The following PRKACB variants were observed in gnomAD, a reference collection of about 807,000 sequenced individuals.
PRKACB encodes cAMP-dependent protein kinase catalytic subunit beta.
A neutral mutation model predicts 51.4 loss-of-function variants in PRKACB; 16 were observed. The ratio of observed to expected loss-of-function variants is 0.31; its 90% CI spans 0.21 to 0.47. The LOEUF (loss-of-function observed/expected upper bound fraction) is 0.47, where lower values mean the gene tolerates loss of function less well. Among genes scored for constraint, PRKACB ranks in the 20% least tolerant of loss-of-function variants. The pLI is 1.00. For missense variants in PRKACB, 309 were observed against 464.5 expected, an observed-to-expected ratio of 0.67 and a Z score of 3.08; for synonymous variants, 147 against 154.4, an observed-to-expected ratio of 0.95 and a Z score of 0.35.
intron 1 of PRKACB, among the ~76,000 whole-genome samples, chr1:84,163,676 T>C (rs961534388): frequency 2.0e-5 from 3 of 152,020 alleles, no homozygotes; most frequent in African/African-American, 7.2e-5. Context: ...TAAATGTTTC[T>C]TAATTTGTTG....
chr1:84,106,523 T>TA (rs1393919045), intron 1 of PRKACB, among the ~76,000 whole-genome samples: 1 of 152,030 alleles, frequency 6.6e-6, no homozygotes, highest in Non-Finnish European at 1.5e-5. Flanking sequence ...CAAAAAAGGT[T>TA]AAAATAGCTA....
chr1:84,115,699 A>G (rs1650576869), intron 1 of PRKACB, among the ~76,000 whole-genome samples: 1 of 151,886 alleles, frequency 6.6e-6, no homozygotes. Context: ...CCTGACCAAC[A>G]TGGAGAAACC....
intron 1 of PRKACB, among the ~76,000 whole-genome samples, chr1:84,165,272 G>C (rs762444647): frequency 2.0e-5 from 3 of 151,566 alleles, no homozygotes; most frequent in Non-Finnish European, 2.9e-5. Flanking sequence ...GTATTTGTTG[G>C]GCACTGTTAT....
At chr1:84,133,673 C>A (rs769347090) in intron 1 of PRKACB, among the ~76,000 whole-genome samples, 2 of 152,128 alleles carry the variant, frequency 1.3e-5, no homozygotes, top group African/African-American at 2.4e-5. Context: ...CTACCCCTTG[C>A]GGGAGGGGGA....
chr1:84,116,146 A>G (rs943847974), intron 1 of PRKACB, among the ~76,000 whole-genome samples: 2 of 152,068 alleles, frequency 1.3e-5, no homozygotes, highest in Non-Finnish European at 2.9e-5. Flanking sequence ...TTTGTCAAAG[A>G]TCAATTGGCT....
intron 1 of PRKACB, among the ~76,000 whole-genome samples, chr1:84,078,828 C>T (rs556317261): frequency 5.0e-4 from 76 of 152,298 alleles, no homozygotes; most frequent in Non-Finnish European, 8.7e-4. Context: ...GGCTGCTAGT[C>T]TGGCTCTACG....
intron 1 of PRKACB, among the ~76,000 whole-genome samples, chr1:84,080,291 G>A (rs1022954601): frequency 5.3e-5 from 8 of 152,156 alleles, no homozygotes; most frequent in Non-Finnish European, 8.8e-5. Flanking sequence ...TCATAGCTGT[G>A]AAATAACCTT....
At chr1:84,144,149 A>C, upstream of PRKACB, 1 of 957,774 alleles carries the variant, frequency 1.0e-6, no homozygotes. Context: ...GCAAGTTTTT[A>C]AAATCCTCAA....
chr1:84,175,949 A>T, intron 1 of PRKACB: 2 of 614,480 alleles, frequency 3.3e-6, no homozygotes, highest in Non-Finnish European at 5.0e-6. Context: ...ACTTTGTTCA[A>T]TTATTTACCA....
intron 8 of PRKACB, among the ~76,000 whole-genome samples, chr1:84,204,016 T>A (rs891503877): frequency 1.3e-5 from 2 of 151,990 alleles, no homozygotes; most frequent in African/African-American, 4.8e-5. Context: ...TGTGGTAATT[T>A]ATTTTTTTTG....
chr1:84,143,198 C>A (rs553107215), upstream of PRKACB, among the ~76,000 whole-genome samples: 17 of 152,266 alleles, frequency 1.1e-4, no homozygotes, highest in African/African-American at 4.1e-4. Flanking sequence ...GTAATCCCAG[C>A]ACTTTGGGAG....
chr1:84,125,544 G>A (rs1651509247), intron 1 of PRKACB, among the ~76,000 whole-genome samples: 1 of 152,098 alleles, frequency 6.6e-6, no homozygotes, highest in Non-Finnish European at 1.5e-5. Context: ...ATTAATAGGG[G>A]GAGCATTCTG....
chr1:84,205,326 T>G, intron 8 of PRKACB: 2 of 938,042 alleles, frequency 2.1e-6, no homozygotes, highest in Non-Finnish European at 2.5e-6. Context: ...TCTATTCACA[T>G]TGCAAAAATA....
exon 1 of PRKACB, chr1:84,078,369 G>A (rs959648521): frequency 6.2e-7 from 1 of 1,611,978 alleles, no homozygotes; most frequent in South Asian, 1.1e-5. Context: ...GAGGTGGAGA[G>A]CGGTGAGTTG....
intron 1 of PRKACB, chr1:84,086,063 G>A (rs779378644): frequency 1.9e-4 from 211 of 1,091,210 alleles, no homozygotes; most frequent in Non-Finnish European, 2.9e-4. Flanking sequence ...GCATAGGAAA[G>A]TGCTGATGGC....
intron 1 of PRKACB, among the ~76,000 whole-genome samples, chr1:84,095,540 C>CT (rs1005853938): frequency 1.3e-5 from 2 of 150,806 alleles, no homozygotes; most frequent in South Asian, 2.1e-4. Flanking sequence ...GGTAGTATAT[C>CT]TTTTTTTTTC....
chr1:84,080,353 T>C (rs1426288806), intron 1 of PRKACB, among the ~76,000 whole-genome samples: 1 of 152,234 alleles, frequency 6.6e-6, no homozygotes, highest in East Asian at 1.9e-4. Flanking sequence ...TCTGAACATA[T>C]TTAAATTATT....
chr1:84,174,035 C>T (rs1279904766), intron 1 of PRKACB, among the ~76,000 whole-genome samples: 4 of 151,718 alleles, frequency 2.6e-5, no homozygotes, highest in Admixed American at 6.6e-5. Flanking sequence ...TTCTGGTTCC[C>T]GGAAGAAATA....
chr1:84,182,780 G>A (rs956084527), intron 3 of PRKACB, among the ~76,000 whole-genome samples: 4 of 119,464 alleles, frequency 3.3e-5, no homozygotes, highest in African/African-American at 1.0e-4. Context: ...TGAGCACCTG[G>A]GCATTTTGGT....
Sources: allele counts gnomAD v4.1 joint callset (sites outside exome capture counted in the v4.1 genomes callset), GRCh38; gene constraint gnomAD v4.1.1; transcripts MANE v1.5; gene names NCBI Gene and HGNC (gene_info 2026-07-23, HGNC 2026-07-21).